The following PTPRN2 variants were observed in gnomAD, a reference collection of about 807,000 sequenced individuals.
The protein encoded by PTPRN2 is protein tyrosine phosphatase receptor type N2, also known as receptor-type tyrosine-protein phosphatase N2.
A neutral mutation model predicts 118.8 loss-of-function variants in PTPRN2; 74 were observed. That is an observed-to-expected ratio of 0.62 (90% confidence interval 0.52 to 0.76). The LOEUF (loss-of-function observed/expected upper bound fraction) is 0.76, where lower values mean the gene tolerates loss of function less well. Ranked by LOEUF, PTPRN2 falls within the 30% of genes least tolerant of loss-of-function variation. PTPRN2 has a pLI of 0.00. For synonymous variants in PTPRN2, 641 were observed against 608.0 expected, an observed-to-expected ratio of 1.05 and a Z score of -0.80; for missense variants, 1,481 against 1,394.4, an observed-to-expected ratio of 1.06 and a Z score of -0.99.
At chr7:157,976,732 C>T (rs1802782886) in intron 11 of PTPRN2, among the ~76,000 whole-genome samples, 1 of 151,882 alleles carries the variant, frequency 6.6e-6, no homozygotes, top group Non-Finnish European at 1.5e-5. Context: ...GAGCAGATAA[C>T]TAAGGTACAC....
intron 11 of PTPRN2, among the ~76,000 whole-genome samples, chr7:157,940,913 GTGACACTGCAAATCTAACA>G (rs1459938456): frequency 1.4e-3 from 9 of 6,444 alleles, no homozygotes; most frequent in Admixed American, 5.5e-3. Flanking sequence ...ACACCCCCCC[GTGACACTGCAAATCTAACA>G]CCCTCCCCAC....
chr7:157,985,204 G>T (rs113412572), intron 11 of PTPRN2, among the ~76,000 whole-genome samples: 1 of 152,138 alleles, frequency 6.6e-6, no homozygotes, highest in South Asian at 2.1e-4. Flanking sequence ...CATAAAAAGC[G>T]TGCACCTGGA....
At chr7:158,586,828 C>T (rs1003243264) in intron 1 of PTPRN2, among the ~76,000 whole-genome samples, 1 of 152,178 alleles carries the variant, frequency 6.6e-6, no homozygotes, top group Non-Finnish European at 1.5e-5. Context: ...GCGGCACACG[C>T]GGCGGAACAC....
chr7:158,103,273 G>A (rs1372612158), intron 10 of PTPRN2, among the ~76,000 whole-genome samples: 2 of 152,212 alleles, frequency 1.3e-5, no homozygotes, highest in Admixed American at 6.5e-5. Flanking sequence ...AAAGATACAG[G>A]CCTGGGATGG....
At chr7:158,016,011 C>T (rs967808392) in intron 11 of PTPRN2, among the ~76,000 whole-genome samples, 3 of 152,098 alleles carry the variant, frequency 2.0e-5, no homozygotes, top group South Asian at 2.1e-4. Flanking sequence ...CTGGGGGCCT[C>T]GGTGGAAAAC....
chr7:157,570,168 G>C (rs780631665), intron 20 of PTPRN2, among the ~76,000 whole-genome samples: 1 of 152,280 alleles, frequency 6.6e-6, no homozygotes, highest in Admixed American at 6.5e-5. Context: ...GGGCCGCCAC[G>C]TAACCCTCAC....
intron 11 of PTPRN2, among the ~76,000 whole-genome samples, chr7:157,925,625 C>A (rs967184351): frequency 6.6e-6 from 1 of 152,156 alleles, no homozygotes; most frequent in Non-Finnish European, 1.5e-5. Flanking sequence ...CATGGGGCCA[C>A]AGAGTGATGG....
At chr7:158,202,435 T>C (rs1585834287) in intron 4 of PTPRN2, among the ~76,000 whole-genome samples, 1 of 150,892 alleles carries the variant, frequency 6.6e-6, no homozygotes, top group African/African-American at 2.4e-5. Flanking sequence ...TGAGAGGGAG[T>C]GATTGTCCCC....
At position 157,540,688 on chromosome 7, in the gene PTPRN2, TCCCCTGAGG is replaced by T. The variant is rs1010379991; in HGVS notation, c.*17_*25del. ...CTGACAACATCCGTGGGGTGGGGGC[TCCCCTGAGG>T]CCCCTGAGGCTGCCGCTCACTGGGG... On this transcript the variant is annotated 3_prime_UTR_variant, in exon 23 of 23. Coordinates refer to ENST00000389418, the MANE Select transcript of PTPRN2 (RefSeq NM_002847.5). The T allele has an allele frequency of 1.3e-6, 2 of 1,508,772 alleles. No individual in the cohort carries two copies. Among genetic ancestry groups the T allele is most frequent in the Non-Finnish European group, 1.8e-6 (2 of 1,108,736 alleles). 93.5% of individuals were successfully genotyped at this position (1,508,772 alleles called of 1,614,324 possible).
chr7:158,079,794 T>G (rs1175506028), intron 11 of PTPRN2, among the ~76,000 whole-genome samples: 1 of 152,182 alleles, frequency 6.6e-6, no homozygotes, highest in Non-Finnish European at 1.5e-5. Flanking sequence ...TCCTCTTGCG[T>G]GGGAGTGTTT....
At position 158,464,773 on chromosome 7, in the gene PTPRN2, A is replaced by G. The variant is rs111731746; in HGVS notation, c.163+24962T>C. On this transcript the variant is annotated intron_variant, in intron 2 of 22. Coordinates refer to ENST00000389418, the MANE Select transcript of PTPRN2 (RefSeq NM_002847.5). Reference sequence around the variant, plus strand: ...TAGTAAATAATCCTTCATCATCACCATCATCATCCTTACCATCGCCATCAT... The same window carrying G: ...TAGTAAATAATCCTTCATCATCACCGTCATCATCCTTACCATCGCCATCAT... Among the ~76,000 whole-genome samples the G allele has an allele frequency of 1.1e-3, 163 of 142,596 alleles. 1 individual carries two copies. The highest frequency in any genetic ancestry group is 1.7e-3 in the East Asian group (8 of 4,698). The allele number at this position is 142,596 out of a possible 152,430, so 93.5% of individuals were successfully genotyped here. A position where few individuals can be genotyped will look rare whatever the true frequency, so the allele number is the denominator to read the frequency against.
chr7:158,305,578 T>C (rs1801220461), intron 3 of PTPRN2, among the ~76,000 whole-genome samples: 1 of 152,144 alleles, frequency 6.6e-6, no homozygotes, highest in South Asian at 2.1e-4. Context: ...CCCCAGCTAG[T>C]GATCCCCAAG....
In PTPRN2 at chr7:157,671,804, A is replaced by G. The variant is rs1022755158; in HGVS notation, c.2001+10921T>C. Reference sequence around the variant, plus strand: ...ACAAGGCCTGAAGGACGCCCTGAAGAGCTTCTTCCTACCAGACCCCCGAAG... The same window carrying G: ...ACAAGGCCTGAAGGACGCCCTGAAGGGCTTCTTCCTACCAGACCCCCGAAG... On this transcript the variant is annotated intron_variant, in intron 13 of 22. Transcript: ENST00000389418. The surrounding 1 kb of genome is among the most constrained non-coding windows in gnomAD (Gnocchi z 4.1). 1.3e-5 allele frequency among the ~76,000 whole-genome samples: 2 copies of G among 152,008 alleles called. No individual in the cohort carries two copies. The highest frequency in any genetic ancestry group is 1.5e-5 in the Non-Finnish European group (1 of 67,988).
At chr7:158,064,452 G>T (rs1298518258) in intron 11 of PTPRN2, among the ~76,000 whole-genome samples, 1 of 152,142 alleles carries the variant, frequency 6.6e-6, no homozygotes, top group Non-Finnish European at 1.5e-5. Flanking sequence ...TCACAGCCAT[G>T]GGGGAGCCGG....
chr7:158,079,444 TAATC>T (rs1812626213), intron 11 of PTPRN2, among the ~76,000 whole-genome samples: 1 of 152,212 alleles, frequency 6.6e-6, no homozygotes, highest in Admixed American at 6.5e-5. Context: ...AGCTTTCAAA[TAATC>T]AACCTCATTT....
intron 2 of PTPRN2, among the ~76,000 whole-genome samples, chr7:158,361,855 A>G (rs2151293643): frequency 6.6e-6 from 1 of 152,248 alleles, no homozygotes; most frequent in African/African-American, 2.4e-5. Context: ...GGCACTGCCC[A>G]GTCCTCACTG....
chr7:158,342,270 C>T (rs1251534971), intron 2 of PTPRN2, among the ~76,000 whole-genome samples: 1 of 143,098 alleles, frequency 7.0e-6, no homozygotes, highest in Non-Finnish European at 1.5e-5. Flanking sequence ...TCACTCACAC[C>T]CACACTCTCA....
chr7:157,563,991 C>T (rs1463712672), intron 21 of PTPRN2, among the ~76,000 whole-genome samples: 1 of 152,258 alleles, frequency 6.6e-6, no homozygotes, highest in African/African-American at 2.4e-5. Context: ...TCGCTTCCCA[C>T]AGGCAACTTT....
At position 158,353,417 on chromosome 7, in the gene PTPRN2, AC is replaced by A. The variant is rs1808159968; in HGVS notation, c.164-36486del. On this transcript the variant is annotated intron_variant, in intron 2 of 22. Coordinates refer to ENST00000389418, the MANE Select transcript of PTPRN2 (RefSeq NM_002847.5). Reference sequence around the variant, plus strand: ...GAAGTTATGGCTGAAAGCTTACTTTACATTTGCCTAAGACCACACTTGTCAT... The same window carrying A: ...GAAGTTATGGCTGAAAGCTTACTTTAATTTGCCTAAGACCACACTTGTCAT... 2.0e-5 allele frequency among the ~76,000 whole-genome samples: 3 copies of A among 152,378 alleles called. No individual in the cohort carries two copies. The South Asian group carries it at 6.2e-4, about 32-fold the overall frequency.
Sources: gnomAD v4.1 joint callset for allele counts (sites outside exome capture counted in the v4.1 genomes callset) on GRCh38, gnomAD v4.1.1 for gene constraint, Gnocchi (gnomAD v3.1) non-coding constraint, MANE v1.5 for transcripts, NCBI Gene and HGNC (gene_info 2026-07-23, HGNC 2026-07-21) for gene names.